LRRC36: variants seen among roughly 807,000 people sequenced by gnomAD.
LRRC36 encodes leucine rich repeat containing 36.
A neutral mutation model predicts 81.1 loss-of-function variants in LRRC36; 62 were observed. The observed-to-expected ratio is 0.76, with a 90% CI of 0.62 to 0.94. The LOEUF (loss-of-function observed/expected upper bound fraction) is 0.94. LRRC36 is among the 40% of genes least tolerant of loss of function. The probability of loss-of-function intolerance (pLI) is 0.00; values close to 1 mark genes in which losing one functional copy is unlikely to be tolerated. For missense variants in LRRC36, 761 were observed against 881.7 expected (o/e 0.86, Z 1.73); for synonymous variants, 334 against 348.6 (o/e 0.96, Z 0.47).
At position 67,382,155 on chromosome 16, in the gene LRRC36, A is replaced by G. The variant is rs773880202; in HGVS notation, c.1953A>G (p.Gln651=). ...HTYDDLLHKN[Q]QLTMQVACLN... is the part of the protein sequence containing the mutation. Reference sequence around the variant, plus strand: ...TAGATGATCTTCTGCACAAAAACCAACAGCTGACCATGCAGGTGGCTTGCC... The same window carrying G: ...TAGATGATCTTCTGCACAAAAACCAGCAGCTGACCATGCAGGTGGCTTGCC... Residue 651 remains glutamine (Q), a synonymous_variant, in exon 13 of 14, where the codon CAA becomes CAG. Transcript: ENST00000329956. 3 of 1,614,014 alleles carry G rather than the reference A, an allele frequency of 1.9e-6. No homozygotes were observed. The South Asian group carries it at 3.3e-5, about 18-fold the overall frequency.
At position 67,347,550 on chromosome 16, in the gene LRRC36, G is replaced by C. The variant is rs371111028; in HGVS notation, c.447G>C (p.Gln149His). The part of the protein sequence containing the change: ...ERKAAKLHFS[Q>H]LGNSENFLLE... ...AAGCTGCCAAGCTGCATTTTAGTCA[G>C]TTGGGCAACAGTGAAAATTTTCTTT... Residue 149 changes from glutamine (Q) to histidine (H), a missense_variant, in exon 4 of 14, where the codon CAG becomes CAC. Gln to His is a conservative substitution (Grantham distance 24). This residue lies in a region of LRRC36 where 263 missense variants were observed against 279.3 expected (regional missense o/e 0.94). Coordinates refer to ENST00000329956, the MANE Select transcript of LRRC36 (RefSeq NM_018296.6). 4 of 1,613,006 alleles carry C rather than the reference G, an allele frequency of 2.5e-6. No individual in the cohort carries two copies. Among genetic ancestry groups the C allele is most frequent in the East Asian group, 2.2e-5 (1 of 44,866 alleles).
intron 12 of LRRC36, among the ~76,000 whole-genome samples, chr16:67,381,520 G>T (rs935724692): frequency 3.3e-5 from 5 of 152,184 alleles, no homozygotes; most frequent in Admixed American, 1.3e-4. Flanking sequence ...GACTGCCTAT[G>T]CTAAGTGAGG....
chr16:67,331,505 A>T (rs2142562109), intron 1 of LRRC36, among the ~76,000 whole-genome samples: 1 of 152,296 alleles, frequency 6.6e-6, no homozygotes, highest in East Asian at 1.9e-4. Context: ...AGCCTAGTTG[A>T]CAGAGCAAGG....
intron 10 of LRRC36, 106 bp from the exon 11 acceptor site, chr16:67,376,621 A>G: frequency 8.6e-7 from 1 of 1,166,896 alleles, no homozygotes; most frequent in South Asian, 1.5e-5. Context: ...TAAAAAGGAG[A>G]TAATACATTA....
chr16:67,368,413 A>G (rs1287641539), intron 8 of LRRC36, among the ~76,000 whole-genome samples: 3 of 152,242 alleles, frequency 2.0e-5, no homozygotes, highest in Admixed American at 6.5e-5. Flanking sequence ...ATGAGGCACC[A>G]TAAAAGTAGA....
intron 11 of LRRC36, among the ~76,000 whole-genome samples, chr16:67,378,235 CTTT>C (rs1015471341): frequency 9.9e-6 from 1 of 100,522 alleles, no homozygotes; most frequent in Non-Finnish European, 1.9e-5. Flanking sequence ...ATGTCAGATT[CTTT>C]TTTTTTTTTT....
At chr16:67,350,049 CTG>C (rs1401799831) in intron 4 of LRRC36, among the ~76,000 whole-genome samples, 151 bp from the exon 5 acceptor site, 1 of 152,192 alleles carries the variant, frequency 6.6e-6, no homozygotes, top group Non-Finnish European at 1.5e-5. Flanking sequence ...GGGTGAGCCA[CTG>C]TGCCCGGCTG....
At chr16:67,359,278 T>C (rs1472259574) in intron 5 of LRRC36, among the ~76,000 whole-genome samples, 1 of 152,158 alleles carries the variant, frequency 6.6e-6, no homozygotes, top group Non-Finnish European at 1.5e-5. Context: ...ATAAACAAAA[T>C]ATGATATATC....
chr16:67,375,370 T>G lies in LRRC36; in HGVS notation c.1618T>G (p.Trp540Gly). 1 of 1,607,218 alleles carries G rather than the reference T, an allele frequency of 6.2e-7. No homozygotes were observed. The highest frequency in any genetic ancestry group is 1.7e-4 in the Middle Eastern group (1 of 6,032). The part of the protein sequence containing the change: ...RQLLELVDKH[W>G]NGSGSLLLNK... ...GCTCCTGGAGCTTGTGGATAAGCACTGGAATGGCTCCGGCTCCCTCCTCCT... is the reference window on the plus strand; with the variant it reads ...GCTCCTGGAGCTTGTGGATAAGCACGGGAATGGCTCCGGCTCCCTCCTCCT... Residue 540 changes from tryptophan (W) to glycine (G), a missense_variant, in exon 10 of 14, where the codon TGG becomes GGG. Trp to Gly is a radical substitution (Grantham distance 184). Transcript: ENST00000329956.
rs1239462127 is a variant in LRRC36 at position 67,376,884 on chromosome 16, T to C, written c.1806+12T>C. The C allele has an allele frequency of 1.3e-6, 2 of 1,599,660 alleles. No individual in the cohort carries two copies. Among genetic ancestry groups the C allele is most frequent in the Non-Finnish European group, 8.6e-7 (1 of 1,169,188 alleles). ...TCCCTAATGACATGGTATGCCCCTC[T>C]CATCTCCCTTTAGAAAAGGACAGAG... On this transcript the variant is annotated intron_variant, in intron 11 of 13. Coordinates refer to ENST00000329956, the MANE Select transcript of LRRC36 (RefSeq NM_018296.6).
Position 67,378,678 on chromosome 16 carries a change from C to T in LRRC36, c.1896C>T (p.Ile632=), listed in dbSNP as rs1276608521. Reference sequence around the variant, plus strand: ...AACAGTTGGAGGAAGGTGCTGCCATCTCAATTGTGAGTGGGCAACAGTCAC... The same window carrying T: ...AACAGTTGGAGGAAGGTGCTGCCATTTCAATTGTGAGTGGGCAACAGTCAC... ...KIQQLEEGAA[I]SIVSGQQSHT... Residue 632 remains isoleucine, a synonymous_variant, in exon 12 of 14, where the codon ATC becomes ATT. Transcript: ENST00000329956. 2.5e-6 allele frequency: 4 copies of T among 1,614,102 alleles called. No homozygotes were observed. The highest frequency in any genetic ancestry group is 1.7e-5 in the Admixed American group (1 of 60,018).
At position 67,367,176 on chromosome 16, in the gene LRRC36, C is replaced by T. The variant is rs2039437049; in HGVS notation, c.914C>T (p.Ala305Val). The T allele has an allele frequency of 1.9e-6, 3 of 1,614,026 alleles. No homozygotes were observed. In the African/African-American group the frequency reaches 4.0e-5, roughly 22 times the overall value. The change falls in exon 8 of 14, where the codon GCC (alanine) becomes GTC (valine). Residue 305 changes from alanine to valine, a missense_variant. Physicochemically the swap from Ala to Val is moderately conservative, Grantham distance 64 (BLOSUM62 0). Coordinates refer to ENST00000329956, the MANE Select transcript of LRRC36 (RefSeq NM_018296.6). ...KPDTFHLTHD[A>V]SLSKCLDVGD... is the part of the protein sequence containing the mutation. Reference sequence around the variant, plus strand: ...GATACTTTTCATCTTACCCATGATGCCTCATTGAGTAAATGCCTGGATGTG... The same window carrying T: ...GATACTTTTCATCTTACCCATGATGTCTCATTGAGTAAATGCCTGGATGTG...
intron 11 of LRRC36, among the ~76,000 whole-genome samples, chr16:67,377,399 C>T (rs1401227257): frequency 6.6e-6 from 1 of 152,196 alleles, no homozygotes; most frequent in Non-Finnish European, 1.5e-5. Context: ...GGCACGATCT[C>T]GGCTCACTGC....
intron 1 of LRRC36, among the ~76,000 whole-genome samples, chr16:67,341,643 G>T (rs1257180802): frequency 1.3e-5 from 2 of 151,782 alleles, no homozygotes; most frequent in Admixed American, 6.6e-5. Context: ...AAAATTTTGT[G>T]GTTATTATCC....
At chr16:67,336,704 C>T (rs533714025) in intron 1 of LRRC36, 1 of 151,928 alleles carries the variant, frequency 6.6e-6, no homozygotes, top group Admixed American at 6.6e-5. Context: ...AATCCTGTCT[C>T]AGCCTCCCCA....
intron 5 of LRRC36, among the ~76,000 whole-genome samples, chr16:67,355,319 G>T (rs959006440): frequency 7.3e-6 from 1 of 136,596 alleles, no homozygotes; most frequent in Non-Finnish European, 1.6e-5. Context: ...GTTGAGCTTT[G>T]TAAGAAACTG....
intron 1 of LRRC36, among the ~76,000 whole-genome samples, chr16:67,331,222 C>T (rs1277789189): frequency 1.3e-5 from 2 of 152,158 alleles, no homozygotes; most frequent in African/African-American, 4.8e-5. Flanking sequence ...GGCCCCACCT[C>T]GCAGTGCTGT....
intron 2 of LRRC36, among the ~76,000 whole-genome samples, chr16:67,343,314 G>A (rs1354706616): frequency 2.0e-5 from 3 of 152,012 alleles, no homozygotes; most frequent in Admixed American, 6.6e-5. Flanking sequence ...ATAATGCAGC[G>A]CTTCGGAAGG....
chr16:67,362,182 A>T, intron 5 of LRRC36: 1 of 453,486 alleles, frequency 2.2e-6, no homozygotes, highest in Non-Finnish European at 4.4e-6. Flanking sequence ...TTTCTTCCCG[A>T]GAAAGAGTCT....
Sources: allele counts gnomAD v4.1 joint callset (sites outside exome capture counted in the v4.1 genomes callset), GRCh38; gene constraint gnomAD v4.1.1; regional missense constraint gnomAD v4.1.1; transcripts MANE v1.5; gene names NCBI Gene and HGNC (gene_info 2026-07-23, HGNC 2026-07-21).